The following MAF variants were observed in gnomAD, a reference collection of about 807,000 sequenced individuals.
The protein encoded by MAF is transcription factor Maf.
MAF carries 10 observed loss-of-function variants against 22.0 expected under a neutral mutation model. The ratio of observed to expected loss-of-function variants is 0.45; its 90% confidence interval spans 0.28 to 0.77. The LOEUF (loss-of-function observed/expected upper bound fraction) is 0.77, where lower values mean the gene tolerates loss of function less well. Among genes scored for constraint, MAF ranks in the 30% least tolerant of loss-of-function variants. MAF has a pLI of 0.12. For missense variants in MAF, 544 were observed against 548.4 expected, an observed-to-expected ratio of 0.99 and a Z score of 0.08; for synonymous variants, 337 against 255.8, an observed-to-expected ratio of 1.32 and a Z score of -3.03.
chr16:79,374,128 A>T, the MAF span, among the ~76,000 whole-genome samples: 1 of 152,146 alleles, frequency 6.6e-6, no homozygotes, highest in Non-Finnish European at 1.5e-5. Context: ...TGTAGAAGGT[A>T]CCCTGGGGTC....
the MAF span, among the ~76,000 whole-genome samples, chr16:79,351,410 T>C: frequency 3.3e-5 from 5 of 152,330 alleles, no homozygotes; most frequent in South Asian, 4.1e-4. Flanking sequence ...TCAGGGTTCA[T>C]GCTCCAGGCT....
chr16:79,538,845 A>C, the MAF span, among the ~76,000 whole-genome samples: 1 of 80,034 alleles, frequency 1.2e-5, no homozygotes, highest in Admixed American at 1.3e-4. Flanking sequence ...AAGGAAAGAA[A>C]GAAAGAAAAG....
chr16:79,340,566 G>A, the MAF span, among the ~76,000 whole-genome samples: 2 of 151,768 alleles, frequency 1.3e-5, no homozygotes, highest in African/African-American at 4.8e-5. Context: ...TCCACTGTTG[G>A]CATTTGGGAT....
At chr16:79,270,530 T>G in the MAF span, among the ~76,000 whole-genome samples, 1 of 152,196 alleles carries the variant, frequency 6.6e-6, no homozygotes, top group South Asian at 2.1e-4. Context: ...CTCCTCTGAT[T>G]TATAGGCAGG....
At chr16:79,557,961 G>T in the MAF span, among the ~76,000 whole-genome samples, 42 of 151,436 alleles carry the variant, frequency 2.8e-4, no homozygotes, top group South Asian at 7.9e-3. Flanking sequence ...GGGTGCTTCA[G>T]GGAAGGGCAG....
At chr16:79,245,508 T>C in the MAF span, among the ~76,000 whole-genome samples, 1 of 152,074 alleles carries the variant, frequency 6.6e-6, no homozygotes, top group Non-Finnish European at 1.5e-5. Flanking sequence ...CACAATGAGA[T>C]ACCATCTCAC....
chr16:79,414,613 G>C, the MAF span, among the ~76,000 whole-genome samples: 1 of 152,178 alleles, frequency 6.6e-6, no homozygotes, highest in Non-Finnish European at 1.5e-5. Flanking sequence ...GTGGGATACA[G>C]AGGTAAACAG....
the MAF span, among the ~76,000 whole-genome samples, chr16:79,255,655 C>T: frequency 6.6e-6 from 1 of 152,160 alleles, no homozygotes; most frequent in Admixed American, 6.5e-5. Context: ...GCATTGTCTT[C>T]AACTGTCTGT....
chr16:79,417,031 G>C, the MAF span, among the ~76,000 whole-genome samples: 30 of 152,320 alleles, frequency 2.0e-4, no homozygotes, highest in East Asian at 4.2e-3. Flanking sequence ...CACAATGCCA[G>C]AATTCCCAAG....
chr16:79,413,487 C>T, the MAF span, among the ~76,000 whole-genome samples: 1 of 151,508 alleles, frequency 6.6e-6, no homozygotes, highest in Admixed American at 6.6e-5. Context: ...CCCGCCTCGG[C>T]CTCCCAAAGT....
chr16:79,219,669 G>C, the MAF span, among the ~76,000 whole-genome samples: 6 of 150,842 alleles, frequency 4.0e-5, no homozygotes, highest in Admixed American at 2.6e-4. Flanking sequence ...GTGTGACGCT[G>C]TGCCACCATT....
the MAF span, among the ~76,000 whole-genome samples, chr16:79,536,013 T>C: frequency 6.6e-5 from 10 of 152,248 alleles, no homozygotes; most frequent in African/African-American, 2.4e-4. Context: ...ATCAGGATTA[T>C]GTCCAATTAT....
chr16:79,588,265 T>C (rs546681155), intron 1 of MAF, among the ~76,000 whole-genome samples: 1 of 152,240 alleles, frequency 6.6e-6, no homozygotes, highest in South Asian at 2.1e-4. Flanking sequence ...TCACAGAAAG[T>C]CTGGCAAAGG....
chr16:79,286,736 G>A, the MAF span, among the ~76,000 whole-genome samples: 1 of 152,106 alleles, frequency 6.6e-6, no homozygotes, highest in African/African-American at 2.4e-5. Context: ...CCAGACAGAG[G>A]CAAATGCCCA....
chr16:79,389,835 G>A, the MAF span, among the ~76,000 whole-genome samples: 84 of 151,618 alleles, frequency 5.5e-4, no homozygotes, highest in African/African-American at 1.9e-3. Flanking sequence ...AATTAGCCAG[G>A]CGTGGTGGTG....
At chr16:79,511,705 G>A in the MAF span, among the ~76,000 whole-genome samples, 1 of 152,124 alleles carries the variant, frequency 6.6e-6, no homozygotes, top group Middle Eastern at 3.2e-3. Context: ...GTAGCCCATT[G>A]GGCCTGCAAA....
chr16:79,228,411 A>C, the MAF span, among the ~76,000 whole-genome samples: 1 of 152,178 alleles, frequency 6.6e-6, no homozygotes, highest in South Asian at 2.1e-4. Flanking sequence ...AAAATCAAGA[A>C]AGAATGGCTT....
the MAF span, among the ~76,000 whole-genome samples, chr16:79,578,730 C>T: frequency 2.6e-5 from 4 of 152,220 alleles, no homozygotes; most frequent in South Asian, 8.3e-4. Context: ...ATTTCACTTG[C>T]TATTAATCGC....
At chr16:79,302,520 G>T in the MAF span, among the ~76,000 whole-genome samples, 1 of 152,182 alleles carries the variant, frequency 6.6e-6, no homozygotes, top group African/African-American at 2.4e-5. Flanking sequence ...CAAGTTGCCT[G>T]GTTGCAGGCA....
Sources: gnomAD v4.1 joint callset for allele counts (sites outside exome capture counted in the v4.1 genomes callset) on GRCh38, gnomAD v4.1.1 for gene constraint, MANE v1.5 for transcripts, NCBI Gene and HGNC (gene_info 2026-07-23, HGNC 2026-07-21) for gene names.